ALG12: variants seen among roughly 807,000 people sequenced by gnomAD.
ALG12 encodes dol-P-Man:Man(7)GlcNAc(2)-PP-Dol alpha-1,6-mannosyltransferase.
Under a neutral mutation model 46.0 loss-of-function variants are expected in ALG12, and 36 were observed. That is an observed-to-expected ratio of 0.78 (90% confidence interval 0.60 to 1.03). ALG12 has a LOEUF of 1.03. ALG12 is among the 50% of genes least tolerant of loss of function. ALG12 has a pLI of 0.00. For missense variants in ALG12, 599 were observed against 633.5 expected, an observed-to-expected ratio of 0.95 and a Z score of 0.58; for synonymous variants, 326 against 291.6, an observed-to-expected ratio of 1.12 and a Z score of -1.20.
At chr22:49,886,011 C>T in the ALG12 span, 2 of 689,408 alleles carry the variant, frequency 2.9e-6, no homozygotes, top group South Asian at 3.4e-5. The surrounding 1 kb of genome is among the most constrained non-coding windows in gnomAD (Gnocchi z 7.7). Flanking sequence ...GTGGCAACAG[C>T]ATTCAGAAGC....
At chr22:49,881,718 G>A in the ALG12 span, among the ~76,000 whole-genome samples, 1 of 152,088 alleles carries the variant, frequency 6.6e-6, no homozygotes, top group African/African-American at 2.4e-5. Flanking sequence ...GTTTTGTAGA[G>A]AACAGGGTCT....
Position 49,905,039 on chromosome 22 carries a change from A to C in ALG12, c.993-533T>G, listed in dbSNP as rs2060535329. 6.6e-6 allele frequency among the ~76,000 whole-genome samples: 1 copy of C among 152,238 alleles called. No individual in the cohort carries two copies. The highest frequency in any genetic ancestry group is 1.5e-5 in the Non-Finnish European group (1 of 68,002). ...AGGCATGAGCCACTGCGCCCAGCCT[A>C]AAAATATATTTTCAAACAATCCCAA... On this transcript the variant is annotated intron_variant, in intron 7 of 9. Transcript: ENST00000330817. This position sits in a 1 kb window ranked among gnomAD's most constrained non-coding sequence, Gnocchi z 4.9.
chr22:49,869,283 C>T, the ALG12 span, among the ~76,000 whole-genome samples: 22 of 152,224 alleles, frequency 1.4e-4, no homozygotes, highest in Admixed American at 4.6e-4. Flanking sequence ...CTAGTGCTTC[C>T]GCTGGAAGGG....
downstream of ALG12, among the ~76,000 whole-genome samples, chr22:49,897,603 A>G (rs574415734): frequency 7.9e-5 from 12 of 151,650 alleles, no homozygotes; most frequent in Non-Finnish European, 1.8e-4. Flanking sequence ...GTATATGCTC[A>G]ATTGCCATCT....
At chr22:49,868,570 CTG>C in the ALG12 span, among the ~76,000 whole-genome samples, 3 of 152,116 alleles carry the variant, frequency 2.0e-5, no homozygotes, top group African/African-American at 4.8e-5. Context: ...CAGAGCGAGA[CTG>C]TCTCTTCCAA....
chr22:49,859,644 G>C, the ALG12 span, among the ~76,000 whole-genome samples: 1 of 152,138 alleles, frequency 6.6e-6, no homozygotes, highest in African/African-American at 2.4e-5. Flanking sequence ...TGCCCTGTTC[G>C]CGGACACAGC....
chr22:49,864,508 C>T, the ALG12 span, among the ~76,000 whole-genome samples: 1 of 152,268 alleles, frequency 6.6e-6, no homozygotes, highest in Admixed American at 6.5e-5. Flanking sequence ...CCATCAAAGT[C>T]GAAAATGCAC....
rs985830335 is a variant in ALG12 at position 49,901,530 on chromosome 22, G to GGTGTGTGCACGTGTGCATT, written c.*2289_*2307dup. The GGTGTGTGCACGTGTGCATT allele has an allele frequency of 6.6e-6, 1 of 152,024 alleles. No individual in the cohort carries two copies. The highest frequency in any genetic ancestry group is 2.4e-5 in the African/African-American group (1 of 41,352). 9.4% of individuals were successfully genotyped at this position (152,024 alleles called of 1,614,324 possible). ...ATTGCATTGTGTGGTGTGTATGCAT[G>GGTGTGTGCACGTGTGCATT]GTGTGTGCACGTGTGCATTGTGTGT... On this transcript the variant is annotated 3_prime_UTR_variant, in exon 10 of 10. Coordinates refer to ENST00000330817, the MANE Select transcript of ALG12 (RefSeq NM_024105.4).
the ALG12 span, among the ~76,000 whole-genome samples, chr22:49,866,891 C>T: frequency 7.2e-5 from 11 of 152,306 alleles, no homozygotes; most frequent in Admixed American, 2.0e-4. Context: ...CGGTGGCTCT[C>T]GGCAAATGCA....
chr22:49,859,881 G>C, the ALG12 span, among the ~76,000 whole-genome samples: 1 of 151,882 alleles, frequency 6.6e-6, no homozygotes, highest in East Asian at 1.9e-4. Context: ...ACAGAAATCA[G>C]CTGGGCATGA....
chr22:49,886,086 C>T, the ALG12 span: 66 of 679,934 alleles, frequency 9.7e-5, no homozygotes, highest in Non-Finnish European at 1.5e-4. The surrounding 1 kb of genome is among the most constrained non-coding windows in gnomAD (Gnocchi z 7.7). Flanking sequence ...TCACCGTCAC[C>T]GACAACGCCA....
chr22:49,917,464 A>C (rs2060618546), intron 1 of ALG12, among the ~76,000 whole-genome samples: 1 of 152,208 alleles, frequency 6.6e-6, no homozygotes, highest in Non-Finnish European at 1.5e-5. Flanking sequence ...TGAGGTCAGG[A>C]CTTCGAGACC....
At chr22:49,888,551 T>C in the ALG12 span, 2 of 167,306 alleles carry the variant, frequency 1.2e-5, no homozygotes, top group African/African-American at 4.8e-5. Context: ...AATTTCACCT[T>C]AACCCCAGAC....
At chr22:49,876,821 C>A in the ALG12 span, among the ~76,000 whole-genome samples, 13 of 152,132 alleles carry the variant, frequency 8.5e-5, no homozygotes, top group Non-Finnish European at 1.6e-4. Context: ...AGTGGTATTT[C>A]CATTTACAAA....
In ALG12 at chr22:49,902,439, C is replaced by CTGTGTATGCATGGT. The variant is rs139870116; in HGVS notation, c.*1398_*1399insACCATGCATACACA. The CTGTGTATGCATGGT allele has an allele frequency of 1.5e-3, 94 of 62,874 alleles. 6 individuals carry two copies. The African/African-American group carries it at 0.023, about 15-fold the overall frequency. The allele number at this position is 62,874 out of a possible 1,614,324, so 3.9% of individuals were successfully genotyped here. A position where few individuals can be genotyped will look rare whatever the true frequency, so the allele number is the denominator to read the frequency against. On this transcript the variant is annotated 3_prime_UTR_variant, in exon 10 of 10. Coordinates refer to ENST00000330817, the MANE Select transcript of ALG12 (RefSeq NM_024105.4). ...GCACTGTGTATGCATGGTGTGTGCA[C>CTGTGTATGCATGGT]GTGTGCACTGTGTATGCATGGTGTG...
At chr22:49,893,297 C>T in the ALG12 span, among the ~76,000 whole-genome samples, 1 of 152,250 alleles carries the variant, frequency 6.6e-6, no homozygotes, top group Admixed American at 6.5e-5. Context: ...GGACATCAGC[C>T]ATAGGTGTCA....
the ALG12 span, among the ~76,000 whole-genome samples, chr22:49,880,458 C>CAGCCTGGA: frequency 3.9e-5 from 6 of 152,250 alleles, no homozygotes; most frequent in African/African-American, 4.8e-5. Flanking sequence ...CCCCGCCCCG[C>CAGCCTGGA]AGCCTGGAAG....
At position 49,907,736 on chromosome 22, in the gene ALG12, C is replaced by T. The variant is rs1194920309; in HGVS notation, c.977G>A (p.Arg326Lys). 1 of 1,614,068 alleles carries T rather than the reference C, an allele frequency of 6.2e-7. No individual in the cohort carries two copies. Among genetic ancestry groups the T allele is most frequent in the Non-Finnish European group, 8.5e-7 (1 of 1,180,032 alleles). ...AFPMLNITAA[R>K]GCSYLLNNYK... Reference sequence around the variant, plus strand: ...GAGCACTCACAGGTAGGAGCAGCCTCTGGCAGCCGTGATGTTGAGCATGGG... The same window carrying T: ...GAGCACTCACAGGTAGGAGCAGCCTTTGGCAGCCGTGATGTTGAGCATGGG... Residue 326 changes from arginine to lysine, a missense_variant, in exon 7 of 10, where the codon AGA (arginine) becomes AAA (lysine). Physicochemically the swap from Arg to Lys is conservative, Grantham distance 26. Coordinates refer to ENST00000330817, the MANE Select transcript of ALG12 (RefSeq NM_024105.4).
chr22:49,882,746 C>T, the ALG12 span, among the ~76,000 whole-genome samples: 8 of 152,172 alleles, frequency 5.3e-5, no homozygotes, highest in South Asian at 2.1e-4. Flanking sequence ...TCCAGCACGG[C>T]GCAGCATCAC....
Sources: allele counts gnomAD v4.1 joint callset (sites outside exome capture counted in the v4.1 genomes callset), GRCh38; gene constraint gnomAD v4.1.1; non-coding constraint Gnocchi (gnomAD v3.1); transcripts MANE v1.5; gene names NCBI Gene and HGNC (gene_info 2026-07-23, HGNC 2026-07-21).